The following CDKAL1 variants were observed in gnomAD, a reference collection of about 807,000 sequenced individuals.
The protein encoded by CDKAL1 is threonylcarbamoyladenosine tRNA methylthiotransferase.
Under a neutral mutation model 68.2 loss-of-function variants are expected in CDKAL1, and 32 were observed. The ratio of observed to expected loss-of-function variants is 0.47; its 90% CI spans 0.35 to 0.63. The LOEUF is 0.63. CDKAL1 is among the 30% of genes least tolerant of loss of function. CDKAL1 has a pLI of 0.00. For synonymous variants in CDKAL1, 234 were observed against 244.3 expected (o/e 0.96, Z 0.39); for missense variants, 606 against 696.7 (o/e 0.87, Z 1.47).
intron 9 of CDKAL1, among the ~76,000 whole-genome samples, chr6:20,896,438 G>A (rs1282901829): frequency 6.6e-6 from 1 of 152,044 alleles, no homozygotes. Flanking sequence ...ACTTAAAAAT[G>A]GGGTAGGAAG....
Position 20,645,663 on chromosome 6 carries a change from G to A in CDKAL1, c.287-3630G>A, listed in dbSNP as rs995067081. On this transcript the variant is annotated intron_variant, in intron 4 of 15. Coordinates refer to ENST00000274695, the MANE Select transcript of CDKAL1 (RefSeq NM_017774.3). ...GGAGAATCACTTGGGCCCGGGAGGC[G>A]GAGGTTGCAGTGAGCCGAGATTGCG... 4.0e-5 allele frequency among the ~76,000 whole-genome samples: 6 copies of A among 151,786 alleles called. No individual in the cohort carries two copies. The East Asian group carries it at 5.8e-4, about 15-fold the overall frequency.
intron 13 of CDKAL1, among the ~76,000 whole-genome samples, chr6:21,138,942 G>A (rs1330027037): frequency 6.6e-6 from 1 of 152,010 alleles, no homozygotes; most frequent in Non-Finnish European, 1.5e-5. Context: ...TGGACTCGGC[G>A]ACCTCGCACT....
At chr6:21,107,749 A>G (rs1395843461) in intron 12 of CDKAL1, among the ~76,000 whole-genome samples, 2 of 152,196 alleles carry the variant, frequency 1.3e-5, no homozygotes, top group Non-Finnish European at 2.9e-5. Context: ...CCTTCTCTTC[A>G]TAACTAATCT....
At chr6:20,679,242 A>G (rs538324636) in intron 5 of CDKAL1, among the ~76,000 whole-genome samples, 1 of 152,296 alleles carries the variant, frequency 6.6e-6, no homozygotes, top group Admixed American at 6.5e-5. Context: ...AACATTTACC[A>G]TCTACTTTGT....
intron 5 of CDKAL1, among the ~76,000 whole-genome samples, chr6:20,725,800 A>AG (rs1487150671): frequency 6.6e-6 from 1 of 151,652 alleles, no homozygotes; most frequent in African/African-American, 2.4e-5. Context: ...AAAAAAAAAA[A>AG]AAAAGAAAAA....
At chr6:20,644,199 A>G (rs1768325856) in intron 4 of CDKAL1, among the ~76,000 whole-genome samples, 1 of 150,664 alleles carries the variant, frequency 6.6e-6, no homozygotes, top group African/African-American at 2.4e-5. Flanking sequence ...AAGACTGTAA[A>G]CTCCCTGAGG....
chr6:20,716,443 T>A (rs961942416), intron 5 of CDKAL1, among the ~76,000 whole-genome samples: 5 of 152,152 alleles, frequency 3.3e-5, no homozygotes, highest in African/African-American at 1.2e-4. Context: ...CAAGAGATGA[T>A]GTGGCTTGGA....
chr6:21,186,769 A>C (rs1441584158), intron 13 of CDKAL1, among the ~76,000 whole-genome samples: 1 of 151,632 alleles, frequency 6.6e-6, no homozygotes, highest in Non-Finnish European at 1.5e-5. Flanking sequence ...TTTTTTTTTT[A>C]ATTTTTTTGA....
chr6:21,197,992 C>T (rs1298118768), intron 13 of CDKAL1, 29 bp from the exon 14 acceptor site: 1 of 1,449,016 alleles, frequency 6.9e-7, no homozygotes, highest in Admixed American at 1.8e-5. Flanking sequence ...CCTTATCTTT[C>T]CTTTCTTTCC....
intron 12 of CDKAL1, among the ~76,000 whole-genome samples, chr6:21,087,017 A>G (rs1322463276): frequency 6.6e-6 from 1 of 152,188 alleles, no homozygotes; most frequent in Non-Finnish European, 1.5e-5. Context: ...TTGTTTATTA[A>G]TTAGTATGAT....
At chr6:20,603,772 T>A (rs899448502) in intron 4 of CDKAL1, among the ~76,000 whole-genome samples, 1 of 119,408 alleles carries the variant, frequency 8.4e-6, no homozygotes, top group Non-Finnish European at 1.7e-5. Flanking sequence ...TGCTAAATTT[T>A]TTTTTTTTTT....
At chr6:20,584,144 TTTTATATG>T (rs1765248616) in intron 4 of CDKAL1, among the ~76,000 whole-genome samples, 1 of 152,054 alleles carries the variant, frequency 6.6e-6, no homozygotes, top group African/African-American at 2.4e-5. Context: ...TTGAATTACA[TTTTATATG>T]TTTAGTTCCT....
At chr6:20,640,573 A>G (rs1206301467) in intron 4 of CDKAL1, among the ~76,000 whole-genome samples, 3 of 152,238 alleles carry the variant, frequency 2.0e-5, no homozygotes, top group Non-Finnish European at 4.4e-5. Context: ...TCAAGATCTT[A>G]GAAATTTTGA....
At chr6:20,856,253 A>G (rs1486823622) in intron 9 of CDKAL1, among the ~76,000 whole-genome samples, 4 of 152,202 alleles carry the variant, frequency 2.6e-5, no homozygotes, top group African/African-American at 9.6e-5. Context: ...CAGTGTGAAT[A>G]TGGGTTTAGT....
chr6:20,982,418 A>G (rs1766203171), intron 10 of CDKAL1, among the ~76,000 whole-genome samples: 1 of 152,160 alleles, frequency 6.6e-6, no homozygotes. Context: ...AATCATTGTT[A>G]TTTAGGCTTA....
At chr6:20,642,525 G>GC (rs1324201127) in intron 4 of CDKAL1, among the ~76,000 whole-genome samples, 1 of 150,058 alleles carries the variant, frequency 6.7e-6, no homozygotes, top group African/African-American at 2.5e-5. Context: ...GTGAAAAGGT[G>GC]CCCAGCTCAC....
intron 8 of CDKAL1, among the ~76,000 whole-genome samples, chr6:20,813,318 A>G (rs1164970986): frequency 6.6e-6 from 1 of 152,136 alleles, no homozygotes; most frequent in Non-Finnish European, 1.5e-5. Context: ...TTGGCATACT[A>G]TTTAGTGCTA....
chr6:21,187,479 A>T (rs1211864229), intron 13 of CDKAL1, among the ~76,000 whole-genome samples: 3 of 152,242 alleles, frequency 2.0e-5, no homozygotes, highest in Non-Finnish European at 4.4e-5. Flanking sequence ...ATTTGAAAAG[A>T]AGCTTTCTTA....
intron 11 of CDKAL1, among the ~76,000 whole-genome samples, chr6:21,007,762 A>G (rs187243606): frequency 9.9e-5 from 15 of 152,252 alleles, no homozygotes; most frequent in Middle Eastern, 6.8e-3. Flanking sequence ...TATGTCTTAG[A>G]TTGTTTAATC....
Sources: allele counts gnomAD v4.1 joint callset (sites outside exome capture counted in the v4.1 genomes callset), GRCh38; gene constraint gnomAD v4.1.1; transcripts MANE v1.5; gene names NCBI Gene and HGNC (gene_info 2026-07-23, HGNC 2026-07-21).